CRISP3: variants seen among roughly 807,000 people sequenced by gnomAD.
CRISP3 encodes cysteine-rich secretory protein 3.
A neutral mutation model predicts 36.1 loss-of-function variants in CRISP3; 33 were observed. The observed-to-expected ratio is 0.91, with a 90% CI of 0.69 to 1.22. CRISP3 has a LOEUF of 1.22. Ranked by LOEUF, CRISP3 falls within the 50% of genes most tolerant of loss-of-function variation. CRISP3 has a pLI of 0.00. For synonymous variants in CRISP3, 117 were observed against 104.6 expected (o/e 1.12, Z -0.72); for missense variants, 330 against 301.2 (o/e 1.10, Z -0.71).
rs181335074 is a variant in CRISP3 at position 49,736,934 on chromosome 6, G to A, written c.111+391C>T. On this transcript the variant is annotated intron_variant, in intron 2 of 7. Coordinates refer to ENST00000263045, the MANE Select transcript of CRISP3 (RefSeq NM_006061.4). ...CTAGGGGGAATTTCTGCCTGAAATG[G>A]TGTCTGGTATTTAGAAAAAATGCTT... is the stretch of plus-strand genomic sequence containing the variant. 2.5e-3 allele frequency among the ~76,000 whole-genome samples: 385 copies of A among 152,224 alleles called. 1 individual carries two copies. The Middle Eastern group carries it at 0.027, about 11-fold the overall frequency.
chr6:49,743,816 G>T (rs1275990937), intron 1 of CRISP3, among the ~76,000 whole-genome samples: 1 of 151,766 alleles, frequency 6.6e-6, no homozygotes, highest in Non-Finnish European at 1.5e-5. Context: ...TGCATTTCAT[G>T]AGGTAAATTG....
chr6:49,738,815 C>T (rs755537854), intron 1 of CRISP3, among the ~76,000 whole-genome samples: 1 of 152,052 alleles, frequency 6.6e-6, no homozygotes, highest in Non-Finnish European at 1.5e-5. Context: ...ATGTCACAAA[C>T]CATCTCGTCC....
At position 49,736,380 on chromosome 6, in the gene CRISP3, T is replaced by C; in HGVS notation, c.228+11A>G. 1 of 1,573,524 alleles carries C rather than the reference T, an allele frequency of 6.4e-7. No individual in the cohort carries two copies. The highest frequency in any genetic ancestry group is 8.7e-7 in the Non-Finnish European group (1 of 1,144,594). On this transcript the variant is annotated intron_variant, in intron 3 of 7. Coordinates refer to ENST00000263045, the MANE Select transcript of CRISP3 (RefSeq NM_006061.4). ...GTTCACACCCCTCTCCTTTGCAATA[T>C]CACCTCTTACCATCTTCAGCATGTT...
chr6:49,732,592 G>C (rs527933792), intron 6 of CRISP3, among the ~76,000 whole-genome samples: 9 of 152,120 alleles, frequency 5.9e-5, no homozygotes, highest in African/African-American at 2.2e-4. Context: ...TTAATGGAAG[G>C]TTCCATGAAA....
chr6:49,739,627 A>G (rs1769149289), intron 1 of CRISP3, among the ~76,000 whole-genome samples: 1 of 152,200 alleles, frequency 6.6e-6, no homozygotes, highest in Admixed American at 6.5e-5. Context: ...AATAATGGTG[A>G]CAGAGAGTCG....
rs1768857971 is a variant in CRISP3 at position 49,729,376 on chromosome 6, G to GC, written c.650-520dup. On this transcript the variant is annotated intron_variant, in intron 7 of 7. Transcript: ENST00000263045. ...GGACACAGTTGTTCTAGACTCTAAT[G>GC]CCCCCAGTCTTTCTCTCAGGTCTAG... Among the ~76,000 whole-genome samples, 2 of 152,028 alleles carry GC rather than the reference G, an allele frequency of 1.3e-5. 1 individual carries two copies. Among genetic ancestry groups the GC allele is most frequent in the South Asian group, 4.1e-4 (2 of 4,834 alleles).
chr6:49,729,615 C>A (rs138107746), intron 7 of CRISP3, among the ~76,000 whole-genome samples: 1,678 of 152,222 alleles, frequency 0.011, 21 homozygotes, highest in African/African-American at 0.037. Flanking sequence ...ATGACACTCC[C>A]AACTATTAAA....
intron 7 of CRISP3, 44 bp downstream of exon 7, chr6:49,731,119 C>T: frequency 7.6e-7 from 1 of 1,312,130 alleles, no homozygotes; most frequent in Non-Finnish European, 1.1e-6. Flanking sequence ...GAAGAAATGT[C>T]AGATCATTTT....
chr6:49,741,135 A>AC (rs762703373), intron 1 of CRISP3, among the ~76,000 whole-genome samples: 16 of 92,370 alleles, frequency 1.7e-4, no homozygotes, highest in South Asian at 4.3e-4. Context: ...AAAAAAAACA[A>AC]ACAAAAAAAA....
At chr6:49,741,727 A>T (rs1315665264) in intron 1 of CRISP3, among the ~76,000 whole-genome samples, 1 of 147,446 alleles carries the variant, frequency 6.8e-6, no homozygotes, top group Non-Finnish European at 1.5e-5. Flanking sequence ...TTCTAGGTGC[A>T]TTTCATTTAA....
chr6:49,733,374 G>A (rs1768963371), intron 5 of CRISP3, 82 bp from the exon 6 acceptor site: 1 of 936,026 alleles, frequency 1.1e-6, no homozygotes, highest in African/African-American at 1.7e-5. Context: ...AATACAAAAT[G>A]GAGAAGAATG....
rs757107356 is a variant in CRISP3 at position 49,728,751 on chromosome 6, A to G, written c.756T>C (p.Asn252=). 2 of 1,611,798 alleles carry G rather than the reference A, an allele frequency of 1.2e-6. No individual in the cohort carries two copies. Among genetic ancestry groups the G allele is most frequent in the East Asian group, 2.2e-5 (1 of 44,816 alleles). The change falls in exon 8 of 8, where the codon AAT becomes AAC. Residue 252 remains asparagine (N), a synonymous_variant. Transcript: ENST00000263045. ...GTATTTAATAAATGCTGTTTGAACA[A>G]TTGCAGGAGGCCTTGCAACTGTCCC... is the stretch of plus-strand genomic sequence containing the variant. ...LVRDSCKASC[N]CSNSIY
At chr6:49,736,321 A>G in intron 3 of CRISP3, 70 bp downstream of exon 3, 1 of 951,676 alleles carries the variant, frequency 1.1e-6, no homozygotes, top group East Asian at 2.4e-5. Flanking sequence ...ATTAAGAGAT[A>G]TTAGTTGCCA....
Position 49,735,493 on chromosome 6 carries a change from A to G in CRISP3, c.316+11T>C, listed in dbSNP as rs770561634. 9.5e-6 allele frequency: 15 copies of G among 1,580,956 alleles called. No homozygotes were observed. The Admixed American group carries it at 2.6e-4, about 27-fold the overall frequency. On this transcript the variant is annotated intron_variant, in intron 4 of 7. Coordinates refer to ENST00000263045, the MANE Select transcript of CRISP3 (RefSeq NM_006061.4). The stretch of plus-strand genomic sequence containing the variant: ...TTGATTTATTCAACAAATATTTCCT[A>G]ATTTACATACTTGTCATTCGATCCT...
rs529336637 is a variant in CRISP3, at chr6:49,733,366, T to C, written c.463-74A>G. 6.7e-5 allele frequency: 67 copies of C among 995,374 alleles called. No homozygotes were observed. In the African/African-American group the frequency reaches 9.8e-4, roughly 15 times the overall value. The allele number at this position is 995,374 out of a possible 1,614,324, so 61.7% of individuals were successfully genotyped here. A position where few individuals can be genotyped will look rare whatever the true frequency, so the allele number is the denominator to read the frequency against. ...ATACCAAAAAACAAATAGTAGGAAA[T>C]ACAAAATGGAGAAGAATGTTACCGA... On this transcript the variant is annotated intron_variant, in intron 5 of 7. Transcript: ENST00000263045.
At chr6:49,743,326 C>A (rs1769253893) in intron 1 of CRISP3, among the ~76,000 whole-genome samples, 1 of 152,112 alleles carries the variant, frequency 6.6e-6, no homozygotes, top group Non-Finnish European at 1.5e-5. Context: ...ATCAGAAGCC[C>A]CAATTTACCT....
In CRISP3 at chr6:49,744,350, A is replaced by G. The variant is rs74393864; in HGVS notation, c.18T>C (p.His6=). MKQIL[H]PALETTAMTL... is the part of the protein sequence containing the mutation. ...ACTTACCAGTGGTTTCCAGAGCAGG[A>G]TGAAGTATTTGTTTCATCTATTGAC... The change falls in exon 1 of 8, where the codon CAT becomes CAC. Residue 6 remains histidine (H), a synonymous_variant. Transcript: ENST00000263045. 1.9e-3 allele frequency: 2,883 copies of G among 1,533,360 alleles called. 27 individuals carry two copies. In the African/African-American group the frequency reaches 0.021, roughly 11 times the overall value. The allele number at this position is 1,533,360 out of a possible 1,614,324, so 95.0% of individuals were successfully genotyped here.
At chr6:49,735,448 A>G in intron 4 of CRISP3, 56 bp downstream of exon 4, 2 of 1,352,012 alleles carry the variant, frequency 1.5e-6, no homozygotes, top group East Asian at 2.3e-5. Context: ...ACATCATAAC[A>G]TGGTTTATTA....
chr6:49,736,206 C>T (rs73441840), intron 3 of CRISP3, among the ~76,000 whole-genome samples, 185 bp downstream of exon 3: 5,087 of 152,152 alleles, frequency 0.033, 302 homozygotes, highest in African/African-American at 0.12. Flanking sequence ...ATGAATTTGA[C>T]GTTATGCAAC....
Sources: gnomAD v4.1 joint callset for allele counts (sites outside exome capture counted in the v4.1 genomes callset) on GRCh38, gnomAD v4.1.1 for gene constraint, MANE v1.5 for transcripts, NCBI Gene and HGNC (gene_info 2026-07-23, HGNC 2026-07-21) for gene names.